Variants in GRIN3A observed in about 807,000 individuals in gnomAD.
The protein encoded by GRIN3A is glutamate receptor ionotropic, NMDA 3A.
In GRIN3A, 47 loss-of-function variants were observed where a neutral mutation model predicts 92.4. The ratio of observed to expected loss-of-function variants is 0.51; its 90% CI spans 0.40 to 0.65. The LOEUF (loss-of-function observed/expected upper bound fraction) is 0.65, where lower values mean the gene tolerates loss of function less well. GRIN3A is among the 30% of genes least tolerant of loss of function. GRIN3A has a pLI of 0.00. For missense variants in GRIN3A, 1,324 were observed against 1,393.1 expected, an observed-to-expected ratio of 0.95 and a Z score of 0.79; for synonymous variants, 527 against 540.6, an observed-to-expected ratio of 0.97 and a Z score of 0.35.
chr9:101,655,289 C>G (rs1391239330), intron 3 of GRIN3A, among the ~76,000 whole-genome samples: 1 of 151,904 alleles, frequency 6.6e-6, no homozygotes, highest in Non-Finnish European at 1.5e-5. Flanking sequence ...AAAATATATT[C>G]TGCAATTTTG....
At chr9:101,685,137 A>G (rs1290951717) in intron 2 of GRIN3A, among the ~76,000 whole-genome samples, 1 of 152,152 alleles carries the variant, frequency 6.6e-6, no homozygotes, top group East Asian at 1.9e-4. Flanking sequence ...GAAAAATTTT[A>G]TTAACAACAT....
chr9:101,737,766 T>C lies in GRIN3A; in HGVS notation c.214A>G (p.Ser72Gly). 3.9e-6 allele frequency: 6 copies of C among 1,528,796 alleles called. No homozygotes were observed. Among genetic ancestry groups the C allele is most frequent in the Non-Finnish European group, 5.2e-6 (6 of 1,143,920 alleles). The allele number at this position is 1,528,796 out of a possible 1,614,324, so 94.7% of individuals were successfully genotyped here. A position where few individuals can be genotyped will look rare whatever the true frequency, so the allele number is the denominator to read the frequency against. The change falls in exon 1 of 9, where the codon AGC (serine) becomes GGC (glycine). Residue 72 changes from serine to glycine, a missense_variant. Ser to Gly is a moderately conservative substitution (Grantham distance 56). Coordinates refer to ENST00000361820, the MANE Select transcript of GRIN3A (RefSeq NM_133445.3). ...TCATCCCTCTGGGCTCCTGCTCGGC[T>C]GTCGTCCGGAGCGCGGCTGGCCGCG... ...PRAASRAPDD[S>G]RAGAQRDEPE...
intron 1 of GRIN3A, among the ~76,000 whole-genome samples, chr9:101,729,129 G>T (rs1313418455): frequency 6.6e-6 from 1 of 152,150 alleles, no homozygotes; most frequent in African/African-American, 2.4e-5. Context: ...GATGCAAAGT[G>T]TATAAGCTGA....
At chr9:101,632,856 A>T (rs1289773586) in intron 3 of GRIN3A, among the ~76,000 whole-genome samples, 1 of 152,214 alleles carries the variant, frequency 6.6e-6, no homozygotes, top group African/African-American at 2.4e-5. Flanking sequence ...TAAGCATTTG[A>T]GCTGCATTAC....
chr9:101,678,728 T>G (rs533242477), intron 2 of GRIN3A, among the ~76,000 whole-genome samples: 1 of 152,284 alleles, frequency 6.6e-6, no homozygotes, highest in African/African-American at 2.4e-5. Flanking sequence ...ACATGTCTTG[T>G]GCTGTGTTAC....
intron 6 of GRIN3A, chr9:101,594,987 G>A (rs1828099413): frequency 6.5e-7 from 1 of 1,548,048 alleles, no homozygotes; most frequent in Non-Finnish European, 8.7e-7. Flanking sequence ...GTGAGCTCGG[G>A]CGGGGCTCGT....
intron 1 of GRIN3A, among the ~76,000 whole-genome samples, chr9:101,691,110 A>G (rs1829611565): frequency 6.6e-6 from 1 of 152,180 alleles, no homozygotes; most frequent in South Asian, 2.1e-4. Context: ...AATATTAGTA[A>G]TAAATTGGGT....
At chr9:101,639,071 TGAAATGAAGCTTAGA>T (rs1028216323) in intron 3 of GRIN3A, among the ~76,000 whole-genome samples, 1 of 152,136 alleles carries the variant, frequency 6.6e-6, no homozygotes, top group Non-Finnish European at 1.5e-5. Context: ...CATGCATGAG[TGAAATGAAGCTTAGA>T]GACATGAGAT....
intron 6 of GRIN3A, among the ~76,000 whole-genome samples, chr9:101,583,071 T>C (rs912691523): frequency 3.3e-5 from 5 of 152,222 alleles, no homozygotes; most frequent in Non-Finnish European, 7.3e-5. Flanking sequence ...AATTACCCTG[T>C]AAGTTAAGTG....
intron 6 of GRIN3A, among the ~76,000 whole-genome samples, chr9:101,605,095 T>C (rs559300711): frequency 6.6e-6 from 1 of 152,358 alleles, no homozygotes; most frequent in East Asian, 1.9e-4. Context: ...ACCCATATCT[T>C]CAATTAGTTA....
At chr9:101,693,773 G>C (rs1167837365) in intron 1 of GRIN3A, among the ~76,000 whole-genome samples, 1 of 152,052 alleles carries the variant, frequency 6.6e-6, no homozygotes, top group African/African-American at 2.4e-5. Context: ...GATGAAACTT[G>C]TATTTCTTCA....
intron 2 of GRIN3A, among the ~76,000 whole-genome samples, chr9:101,678,082 A>G (rs1456264175): frequency 1.3e-5 from 2 of 152,078 alleles, no homozygotes; most frequent in African/African-American, 2.4e-5. Context: ...TTATCTAAGT[A>G]CCTATCTCAC....
chr9:101,588,918 T>A (rs1827984107), intron 6 of GRIN3A, among the ~76,000 whole-genome samples: 1 of 152,136 alleles, frequency 6.6e-6, no homozygotes, highest in Non-Finnish European at 1.5e-5. Flanking sequence ...TTAAATATTA[T>A]AATTTATGGT....
intron 6 of GRIN3A, among the ~76,000 whole-genome samples, chr9:101,579,609 C>A (rs546293646): frequency 1.8e-4 from 28 of 152,248 alleles, no homozygotes; most frequent in African/African-American, 5.1e-4. Context: ...ATTAAAAGCT[C>A]TCCAACCGAC....
At chr9:101,735,206 T>C (rs1318307889) in intron 1 of GRIN3A, among the ~76,000 whole-genome samples, 2 of 151,706 alleles carry the variant, frequency 1.3e-5, no homozygotes, top group African/African-American at 2.4e-5. Context: ...AAAAGGGAGA[T>C]GAAAGAAAAT....
At position 101,575,703 on chromosome 9, in the gene GRIN3A, C is replaced by G. The variant is rs535888230; in HGVS notation, c.3008+2065G>C. On this transcript the variant is annotated intron_variant, in intron 8 of 8. Coordinates refer to ENST00000361820, the MANE Select transcript of GRIN3A (RefSeq NM_133445.3). ...TTATCTATTTGCTCTTTTATTTGTT[C>G]AGTAAATATGGGGCACAGAGGAGGG... Among the ~76,000 whole-genome samples the G allele has an allele frequency of 6.9e-4, 105 of 152,186 alleles. 1 individual carries two copies. The highest frequency in any genetic ancestry group is 2.4e-3 in the African/African-American group (98 of 41,532).
At chr9:101,602,376 C>T (rs1288273950) in intron 6 of GRIN3A, among the ~76,000 whole-genome samples, 1 of 152,140 alleles carries the variant, frequency 6.6e-6, no homozygotes, top group East Asian at 1.9e-4. Flanking sequence ...ATGCTTTCTC[C>T]GCTTTCTTCA....
At chr9:101,643,299 G>A (rs915299196) in intron 3 of GRIN3A, among the ~76,000 whole-genome samples, 1 of 152,056 alleles carries the variant, frequency 6.6e-6, no homozygotes, top group Admixed American at 6.6e-5. Context: ...ATATGAAGAA[G>A]TGCTCAAGAT....
chr9:101,701,447 TGTAA>T (rs1829751265), intron 1 of GRIN3A, among the ~76,000 whole-genome samples: 1 of 152,078 alleles, frequency 6.6e-6, no homozygotes, highest in Admixed American at 6.6e-5. Flanking sequence ...AGCTCCCACT[TGTAA>T]GTGAGACCAT....
Sources: gnomAD v4.1 joint callset for allele counts (sites outside exome capture counted in the v4.1 genomes callset) on GRCh38, gnomAD v4.1.1 for gene constraint, MANE v1.5 for transcripts, NCBI Gene and HGNC (gene_info 2026-07-23, HGNC 2026-07-21) for gene names.